Variants in PTPRG observed in about 807,000 individuals in gnomAD.
PTPRG encodes receptor-type tyrosine-protein phosphatase gamma.
Under a neutral mutation model 165.3 loss-of-function variants are expected in PTPRG, and 102 were observed. The ratio of observed to expected loss-of-function variants is 0.62; its 90% CI spans 0.53 to 0.73. PTPRG has a LOEUF of 0.73. PTPRG is among the 30% of genes least tolerant of loss of function. The pLI, the probability that PTPRG is intolerant of heterozygous loss-of-function variation, is 0.00. For missense variants in PTPRG, 1,866 were observed against 1,861.4 expected (o/e 1.00, Z -0.05); for synonymous variants, 675 against 669.5 (o/e 1.01, Z -0.13).
At chr3:62,277,733 A>T in intron 26 of PTPRG, 54 bp downstream of exon 26, 1 of 1,599,022 alleles carries the variant, frequency 6.3e-7, no homozygotes, top group South Asian at 1.1e-5. Context: ...TACAAGCATA[A>T]ATTACTTTGA....
chr3:61,769,267 GT>G (rs562064615), intron 2 of PTPRG: 2 of 151,704 alleles, frequency 1.3e-5, no homozygotes, highest in Admixed American at 6.6e-5. Context: ...ACAAATGTTT[GT>G]TTTTTTTGTT....
At chr3:61,975,916 T>G (rs2040491596) in intron 2 of PTPRG, among the ~76,000 whole-genome samples, 1 of 152,220 alleles carries the variant, frequency 6.6e-6, no homozygotes, top group South Asian at 2.1e-4. Context: ...ATTCTCCTTG[T>G]ATACCCCTAT....
intron 8 of PTPRG, among the ~76,000 whole-genome samples, chr3:62,175,742 A>G (rs1257900783): frequency 6.6e-6 from 1 of 152,212 alleles, no homozygotes; most frequent in Non-Finnish European, 1.5e-5. Context: ...GAATCAAATC[A>G]AGTCGTGTGC....
At chr3:61,726,252 T>C (rs1203519908) in intron 1 of PTPRG, among the ~76,000 whole-genome samples, 1 of 152,236 alleles carries the variant, frequency 6.6e-6, no homozygotes, top group Non-Finnish European at 1.5e-5. Flanking sequence ...CTTCCGCTTA[T>C]ACTGCTGTCT....
intron 2 of PTPRG, among the ~76,000 whole-genome samples, chr3:61,976,921 A>G (rs894425025): frequency 1.3e-5 from 2 of 152,154 alleles, no homozygotes; most frequent in African/African-American, 4.8e-5. Flanking sequence ...GTGTTCTGCC[A>G]TGCCTTGGCC....
intron 2 of PTPRG, among the ~76,000 whole-genome samples, chr3:61,962,095 C>A (rs116373572): frequency 6.6e-6 from 1 of 152,092 alleles, no homozygotes; most frequent in Admixed American, 6.5e-5. Flanking sequence ...TTCTCTTCTG[C>A]GTCAATATAT....
chr3:61,775,242 T>C (rs1348384806), intron 2 of PTPRG, among the ~76,000 whole-genome samples: 1 of 152,116 alleles, frequency 6.6e-6, no homozygotes, highest in African/African-American at 2.4e-5. Context: ...GGATACTTTT[T>C]GTATTTTTAG....
intron 13 of PTPRG, among the ~76,000 whole-genome samples, chr3:62,230,507 T>A (rs572861777): frequency 1.3e-5 from 2 of 152,336 alleles, no homozygotes; most frequent in African/African-American, 4.8e-5. Context: ...TTTGGGAGAC[T>A]AAATATAATT....
chr3:61,754,341 T>G (rs2033560491), intron 2 of PTPRG, among the ~76,000 whole-genome samples: 1 of 152,254 alleles, frequency 6.6e-6, no homozygotes, highest in South Asian at 2.1e-4. Context: ...CTTTTTGGCC[T>G]CCACCCTGGA....
chr3:61,989,956 C>T (rs1488153359), intron 3 of PTPRG, 152 bp downstream of exon 3: 1 of 758,982 alleles, frequency 1.3e-6, no homozygotes, highest in Non-Finnish European at 2.1e-6. Flanking sequence ...AGTTATGTAA[C>T]TCAGTAAATC....
chr3:61,926,396 C>G (rs2039211605), intron 2 of PTPRG, among the ~76,000 whole-genome samples: 1 of 152,030 alleles, frequency 6.6e-6, no homozygotes, highest in South Asian at 2.1e-4. Context: ...CTCTCTTGCT[C>G]CTACTCCAGC....
intron 1 of PTPRG, among the ~76,000 whole-genome samples, chr3:61,682,111 T>C (rs1264034567): frequency 7.3e-6 from 1 of 136,132 alleles, no homozygotes; most frequent in African/African-American, 2.8e-5. Flanking sequence ...ATTGTGTGAC[T>C]GCACTTGGGC....
intron 1 of PTPRG, among the ~76,000 whole-genome samples, chr3:61,668,492 G>A (rs1227450975): frequency 6.6e-6 from 1 of 152,118 alleles, no homozygotes. Flanking sequence ...GAAACTGACA[G>A]GCCCATTTTA....
intron 4 of PTPRG, among the ~76,000 whole-genome samples, chr3:62,018,407 T>A (rs1225286518): frequency 1.3e-5 from 2 of 152,232 alleles, no homozygotes; most frequent in South Asian, 4.1e-4. Flanking sequence ...ACCGTTTCCC[T>A]TCTAAAGTTT....
At chr3:61,582,095 A>G (rs890097916) in intron 1 of PTPRG, among the ~76,000 whole-genome samples, 5 of 151,870 alleles carry the variant, frequency 3.3e-5, no homozygotes. Context: ...AGCCTCCCGC[A>G]TAACTGGTAC....
Position 62,224,770 on chromosome 3 carries a change from C to CA in PTPRG, c.2288+5789dup, listed in dbSNP as rs752095126. Among the ~76,000 whole-genome samples the CA allele has an allele frequency of 1.6e-4, 25 of 152,116 alleles. No individual in the cohort carries two copies. The highest frequency in any genetic ancestry group is 3.4e-4 in the Non-Finnish European group (23 of 68,018). On this transcript the variant is annotated intron_variant, in intron 13 of 29. Transcript: ENST00000474889. This position sits in a 1 kb window ranked among gnomAD's most constrained non-coding sequence, Gnocchi z 4.9. Reference sequence around the variant, plus strand: ...ATTTGAGCAGTGTTTTTATAGGCAGCAACATGGATCTGTGGGGAGACATTT... The same window carrying CA: ...ATTTGAGCAGTGTTTTTATAGGCAGCAAACATGGATCTGTGGGGAGACATTT...
chr3:61,996,663 A>G (rs74508201), intron 3 of PTPRG, among the ~76,000 whole-genome samples: 1 of 152,208 alleles, frequency 6.6e-6, no homozygotes, highest in Non-Finnish European at 1.5e-5. Context: ...ATGTAAGTTT[A>G]ATTTTTAAAA....
chr3:61,938,875 G>A (rs1327651860), intron 2 of PTPRG, among the ~76,000 whole-genome samples: 2 of 152,164 alleles, frequency 1.3e-5, no homozygotes, highest in Non-Finnish European at 2.9e-5. Flanking sequence ...TTGGTTTCGA[G>A]ATTTTTGCTT....
chr3:62,093,107 A>G (rs534154223), intron 5 of PTPRG, among the ~76,000 whole-genome samples: 1 of 152,272 alleles, frequency 6.6e-6, no homozygotes, highest in Admixed American at 6.5e-5. Flanking sequence ...AGATGGCCTG[A>G]ACATCGGTAT....
Sources: allele counts gnomAD v4.1 joint callset (sites outside exome capture counted in the v4.1 genomes callset), GRCh38; gene constraint gnomAD v4.1.1; non-coding constraint Gnocchi (gnomAD v3.1); transcripts MANE v1.5; gene names NCBI Gene and HGNC (gene_info 2026-07-23, HGNC 2026-07-21).